The following RPN2 variants were observed in gnomAD, a reference collection of about 807,000 sequenced individuals.
RPN2 encodes the protein ribophorin II.
In RPN2, 29 loss-of-function variants were observed where a neutral mutation model predicts 71.4. The ratio of observed to expected loss-of-function variants is 0.41; its 90% CI spans 0.30 to 0.55. The LOEUF (loss-of-function observed/expected upper bound fraction) is 0.55, where lower values mean the gene tolerates loss of function less well. Among genes scored for constraint, RPN2 ranks in the 20% least tolerant of loss-of-function variants. The pLI is 0.35. For missense variants in RPN2, 726 were observed against 774.1 expected (o/e 0.94, Z 0.74); for synonymous variants, 308 against 305.0 (o/e 1.01, Z -0.10).
intron 12 of RPN2, among the ~76,000 whole-genome samples, 194 bp downstream of exon 12, chr20:37,228,938 C>T (rs1412867355): frequency 3.3e-5 from 5 of 149,874 alleles, no homozygotes; most frequent in Admixed American, 2.0e-4. Flanking sequence ...CAACATGGTA[C>T]GTGCTTAATA....
chr20:37,210,106 T>C lies in RPN2; in HGVS notation c.927T>C (p.His309=). The C allele has an allele frequency of 6.2e-7, 1 of 1,614,216 alleles. No homozygotes were observed. The highest frequency in any genetic ancestry group is 8.5e-7 in the Non-Finnish European group (1 of 1,180,030). The change falls in exon 8 of 17, where the codon CAT becomes CAC. Residue 309 remains histidine, a synonymous_variant. Transcript: ENST00000237530. ...CTCAGGCCACTGTTAAACTAGAACA[T>C]GCTAAATCTGTTGCTTCCAGAGCCA... The part of the protein sequence containing the change: ...PLTQATVKLE[H]AKSVASRATV...
chr20:37,206,991 G>A (rs940206089), intron 6 of RPN2, among the ~76,000 whole-genome samples: 3 of 152,050 alleles, frequency 2.0e-5, no homozygotes, highest in Admixed American at 1.3e-4. Flanking sequence ...GATTACAGGC[G>A]TGAGCCACTG....
At chr20:37,209,194 T>C (rs2067594353) in intron 7 of RPN2, among the ~76,000 whole-genome samples, 1 of 152,252 alleles carries the variant, frequency 6.6e-6, no homozygotes, top group African/African-American at 2.4e-5. Flanking sequence ...GATAGGAGAA[T>C]GTATGTAAAG....
At chr20:37,240,604 T>C (rs752255838) in intron 16 of RPN2, among the ~76,000 whole-genome samples, 1 of 152,216 alleles carries the variant, frequency 6.6e-6, no homozygotes. Flanking sequence ...TGCAGTCACC[T>C]CCTCAGCTTC....
chr20:37,222,991 G>C (rs1365718440), intron 9 of RPN2, among the ~76,000 whole-genome samples: 2 of 152,200 alleles, frequency 1.3e-5, no homozygotes. Context: ...AAAACAATGA[G>C]GGTTTATTTT....
intron 4 of RPN2, 28 bp from the exon 5 acceptor site, chr20:37,203,857 C>A (rs1218482456): frequency 1.5e-5 from 23 of 1,540,606 alleles, no homozygotes; most frequent in South Asian, 8.9e-5. Flanking sequence ...ACTTGCCATT[C>A]ATTGGGGTTC....
chr20:37,186,372 TCCAAA>T, intron 2 of RPN2, among the ~76,000 whole-genome samples: 1 of 152,240 alleles, frequency 6.6e-6, no homozygotes, highest in Non-Finnish European at 1.5e-5. Flanking sequence ...TGGAAATGAC[TCCAAA>T]TCTGTAGGGA....
chr20:37,208,023 G>C (rs2146599764), intron 7 of RPN2, among the ~76,000 whole-genome samples: 1 of 152,226 alleles, frequency 6.6e-6, no homozygotes, highest in East Asian at 1.9e-4. Context: ...TGTAATCCCA[G>C]CACTTTGGGA....
Position 37,225,768 on chromosome 20 carries a change from A to C in RPN2, c.1265A>C (p.Asp422Ala). The change falls in exon 11 of 17, where the codon GAT becomes GCT. Residue 422 changes from aspartate to alanine, a missense_variant. Coordinates refer to ENST00000237530, the MANE Select transcript of RPN2 (RefSeq NM_002951.5). ...QNFALFFQLVDVNTGAELTPH... is the reference protein window; with the variant it reads ...QNFALFFQLVAVNTGAELTPH... ...TTCGCCTTGTTCTTCCAGCTGGTAG[A>C]TGTGAACACTGGTGCTGAACTCACT... 6.2e-7 allele frequency: 1 copy of C among 1,614,102 alleles called. No individual in the cohort carries two copies.
At position 37,182,160 on chromosome 20, in the gene RPN2, C is replaced by A. The variant is rs184938763; in HGVS notation, c.14-2020C>A. 8.5e-3 allele frequency among the ~76,000 whole-genome samples: 1,286 copies of A among 152,142 alleles called. 18 individuals are homozygous for A. The highest frequency in any genetic ancestry group is 0.029 in the African/African-American group (1,183 of 41,474). On this transcript the variant is annotated intron_variant, in intron 1 of 16. Transcript: ENST00000237530. ...CCAGGCTGGAGTGCAGTGGTGCGAT[C>A]TCGGCTCACTGCAACTTCCGCCTCC...
At chr20:37,232,853 G>T in intron 14 of RPN2, among the ~76,000 whole-genome samples, 1 of 152,168 alleles carries the variant, frequency 6.6e-6, no homozygotes, top group East Asian at 1.9e-4. Context: ...GGACAAGATT[G>T]CCAAGATGTG....
chr20:37,189,060 A>G (rs1600740661), intron 2 of RPN2, among the ~76,000 whole-genome samples: 1 of 152,002 alleles, frequency 6.6e-6, no homozygotes, highest in Non-Finnish European at 1.5e-5. Context: ...CAGCCTCCCA[A>G]GTAGCTGGGA....
intron 8 of RPN2, among the ~76,000 whole-genome samples, chr20:37,211,334 C>CT (rs1306618813): frequency 4.1e-5 from 6 of 148,106 alleles, no homozygotes; most frequent in Non-Finnish European, 9.0e-5. Flanking sequence ...TGTGCCCGGC[C>CT]TTTTTTTAAA....
intron 4 of RPN2, among the ~76,000 whole-genome samples, chr20:37,203,299 G>T (rs1238613759): frequency 2.6e-5 from 4 of 151,306 alleles, no homozygotes; most frequent in Non-Finnish European, 5.9e-5. Context: ...TGTGAATGTA[G>T]TAAGCACCCC....
chr20:37,223,934 G>A lies in RPN2; in HGVS notation c.1149G>A (p.Val383=). The A allele has an allele frequency of 1.2e-6, 2 of 1,614,102 alleles. No homozygotes were observed. The highest frequency in any genetic ancestry group is 1.3e-5 in the African/African-American group (1 of 75,024). Residue 383 remains valine, a synonymous_variant, in exon 10 of 17, where the codon GTG becomes GTA. Transcript: ENST00000237530. ...VGITNVDLST[V]DKDQSIAPKT... ...TCACAAATGTTGATCTTTCCACCGT[G>A]GATAAGGATCAGAGCATTGCACCCA...
intron 1 of RPN2, among the ~76,000 whole-genome samples, chr20:37,180,551 C>T (rs1018080398): frequency 5.3e-5 from 8 of 152,110 alleles, no homozygotes; most frequent in Non-Finnish European, 1.0e-4. Context: ...GGGGAATTTA[C>T]GGTCTAGGTG....
At chr20:37,192,352 CAA>C (rs892571141) in intron 2 of RPN2, among the ~76,000 whole-genome samples, 21 of 152,302 alleles carry the variant, frequency 1.4e-4, no homozygotes, top group African/African-American at 4.6e-4. Context: ...GCAGAGAAGA[CAA>C]GAGAGCTCAT....
intron 11 of RPN2, among the ~76,000 whole-genome samples, chr20:37,227,410 G>T (rs1351910435): frequency 4.6e-5 from 7 of 152,204 alleles, no homozygotes; most frequent in African/African-American, 1.7e-4. Context: ...TGGCATTTTG[G>T]TGATGAACTT....
chr20:37,205,000 T>A, intron 6 of RPN2, 99 bp downstream of exon 6: 1 of 1,536,292 alleles, frequency 6.5e-7, no homozygotes. Context: ...AGACAGTACC[T>A]TGGGATGCTG....
Sources: gnomAD v4.1 joint callset for allele counts (sites outside exome capture counted in the v4.1 genomes callset) on GRCh38, gnomAD v4.1.1 for gene constraint, MANE v1.5 for transcripts, NCBI Gene and HGNC (gene_info 2026-07-23, HGNC 2026-07-21) for gene names.